Variants in ABL1 observed in about 807,000 individuals in gnomAD.
ABL1 encodes tyrosine-protein kinase ABL1.
Under a neutral mutation model 94.7 loss-of-function variants are expected in ABL1, and 11 were observed. The observed-to-expected ratio is 0.12, with a 90% CI of 0.07 to 0.19. The LOEUF (loss-of-function observed/expected upper bound fraction) is 0.19. Ranked by LOEUF, ABL1 falls within the 10% of genes least tolerant of loss-of-function variation. ABL1 has a pLI of 1.00. For missense variants in ABL1, 1,082 were observed against 1,489.4 expected, an observed-to-expected ratio of 0.73 and a Z score of 4.50; for synonymous variants, 656 against 622.4, an observed-to-expected ratio of 1.05 and a Z score of -0.80.
At chr9:130,812,141 A>T (rs561866569) in intron 1 of ABL1, among the ~76,000 whole-genome samples, 60 of 147,966 alleles carry the variant, frequency 4.1e-4, no homozygotes, top group African/African-American at 1.4e-3. Context: ...GATTAGGAGG[A>T]TCACTTGAAG....
intron 1 of ABL1, among the ~76,000 whole-genome samples, chr9:130,819,742 C>T (rs1048604310): frequency 2.6e-5 from 4 of 151,778 alleles, no homozygotes; most frequent in East Asian, 1.9e-4. Flanking sequence ...GGAGTTTCAC[C>T]GTGCTGGCCA....
intron 3 of ABL1, among the ~76,000 whole-genome samples, chr9:130,857,480 A>G (rs1432905748): frequency 6.6e-6 from 1 of 152,220 alleles, no homozygotes; most frequent in Admixed American, 6.5e-5. Context: ...CATGTTAGAA[A>G]TATACCAAGT....
intron 1 of ABL1, among the ~76,000 whole-genome samples, chr9:130,726,469 C>T (rs1831587465): frequency 6.6e-6 from 1 of 152,148 alleles, no homozygotes; most frequent in Non-Finnish European, 1.5e-5. Context: ...TTCCATTCCT[C>T]ACATTGGTAA....
chr9:130,763,150 C>G (rs1028329057), intron 1 of ABL1, among the ~76,000 whole-genome samples: 7 of 151,854 alleles, frequency 4.6e-5, no homozygotes, highest in African/African-American at 1.2e-4. Context: ...TTCTGGTTCC[C>G]CTGCCCTGGG....
intron 1 of ABL1, among the ~76,000 whole-genome samples, chr9:130,784,795 T>C (rs917283386): frequency 1.9e-4 from 29 of 152,180 alleles, no homozygotes; most frequent in Admixed American, 1.5e-3. Context: ...AACTTCACTC[T>C]CTTTCTTACT....
At chr9:130,796,920 C>CAA (rs10607745) in intron 1 of ABL1, among the ~76,000 whole-genome samples, 21 of 60,696 alleles carry the variant, frequency 3.5e-4, no homozygotes, top group East Asian at 1.8e-3. Context: ...AACTTCATCT[C>CAA]AAAAAAAAAA....
intron 1 of ABL1, among the ~76,000 whole-genome samples, chr9:130,753,679 G>T (rs1288993212): frequency 6.6e-6 from 1 of 151,336 alleles, no homozygotes; most frequent in East Asian, 2.0e-4. Context: ...ACCCACTTCA[G>T]CCTCCCAGAG....
intron 1 of ABL1, among the ~76,000 whole-genome samples, chr9:130,841,130 C>T (rs1273719581): frequency 6.6e-6 from 1 of 151,768 alleles, no homozygotes; most frequent in Non-Finnish European, 1.5e-5. Flanking sequence ...ACCAACAAAA[C>T]AAATCCCACA....
At chr9:130,858,974 G>A (rs564487330) in intron 3 of ABL1, among the ~76,000 whole-genome samples, 40 of 152,116 alleles carry the variant, frequency 2.6e-4, no homozygotes, top group Non-Finnish European at 2.9e-4. Context: ...GTTATGAGCT[G>A]GACTCTTGAA....
intron 1 of ABL1, among the ~76,000 whole-genome samples, chr9:130,718,801 G>C (rs972479605): frequency 9.9e-5 from 15 of 152,236 alleles, no homozygotes; most frequent in South Asian, 4.2e-4. Context: ...AGGGTCACTT[G>C]AGCTCGGGAG....
At chr9:130,720,012 CT>C (rs756242970) in intron 1 of ABL1, among the ~76,000 whole-genome samples, 16 of 152,194 alleles carry the variant, frequency 1.1e-4, no homozygotes, top group Non-Finnish European at 2.4e-4. Flanking sequence ...AGAAAATTCA[CT>C]TTTGGGAGAG....
chr9:130,872,034 G>A lies in ABL1; in HGVS notation c.823-95G>A, dbSNP rs1014364551. 2.7e-5 allele frequency: 30 copies of A among 1,092,132 alleles called. No individual in the cohort carries two copies. Among genetic ancestry groups the A allele is most frequent in the Non-Finnish European group, 3.8e-5 (28 of 733,616 alleles). 67.7% of individuals were successfully genotyped at this position (1,092,132 alleles called of 1,614,324 possible). On this transcript the variant is annotated intron_variant, in intron 4 of 10. Transcript: ENST00000318560. The surrounding 1 kb of genome is among the most constrained non-coding windows in gnomAD (Gnocchi z 5.0). ...ACAAAACGCAGCCCAGGACGAGTAT[G>A]CGCTGAAGCTCCATTTTGCATTAAC...
At chr9:130,739,453 T>A (rs867037485) in intron 1 of ABL1, among the ~76,000 whole-genome samples, 24 of 101,308 alleles carry the variant, frequency 2.4e-4, no homozygotes, top group Non-Finnish European at 4.3e-4. Flanking sequence ...GTAAAAAAAA[T>A]TTTTAAGCTT....
At chr9:130,829,542 G>A (rs576390409) in intron 1 of ABL1, among the ~76,000 whole-genome samples, 1 of 149,334 alleles carries the variant, frequency 6.7e-6, no homozygotes, top group Admixed American at 6.7e-5. Flanking sequence ...TCCCGCCTGG[G>A]TGACAGAGCG....
chr9:130,866,719 C>G (rs1184488727), intron 4 of ABL1, among the ~76,000 whole-genome samples: 2 of 152,220 alleles, frequency 1.3e-5, no homozygotes, highest in Non-Finnish European at 2.9e-5. Context: ...GGAATTACAG[C>G]AAAGGCTCAT....
chr9:130,792,560 G>A (rs1057159512), intron 1 of ABL1, among the ~76,000 whole-genome samples: 1 of 152,072 alleles, frequency 6.6e-6, no homozygotes, highest in African/African-American at 2.4e-5. Flanking sequence ...GACCCTGAAT[G>A]GCACAAGGAG....
chr9:130,753,847 A>G (rs1045713783), intron 1 of ABL1, among the ~76,000 whole-genome samples: 3 of 152,198 alleles, frequency 2.0e-5, no homozygotes, highest in Admixed American at 1.3e-4. Flanking sequence ...ATGAGTAAAG[A>G]AACTGGGTAA....
chr9:130,725,914 T>G (rs1263693398), intron 1 of ABL1, among the ~76,000 whole-genome samples: 1 of 140,362 alleles, frequency 7.1e-6, no homozygotes, highest in Middle Eastern at 3.7e-3. Context: ...AGCCCAGGAG[T>G]TCAAGCTTGC....
chr9:130,813,632 CAGAA>C (rs993586777), intron 1 of ABL1, among the ~76,000 whole-genome samples: 2 of 138,108 alleles, frequency 1.4e-5, no homozygotes, highest in African/African-American at 2.7e-5. Context: ...GAATTAATAA[CAGAA>C]AGGTATCTGG....
Sources: gnomAD v4.1 joint callset for allele counts (sites outside exome capture counted in the v4.1 genomes callset) on GRCh38, gnomAD v4.1.1 for gene constraint, Gnocchi (gnomAD v3.1) non-coding constraint, MANE v1.5 for transcripts, NCBI Gene and HGNC (gene_info 2026-07-23, HGNC 2026-07-21) for gene names.